The following CEMIP2 variants were observed in gnomAD, a reference collection of about 807,000 sequenced individuals.
CEMIP2 encodes the protein cell migration inducing hyaluronidase 2, also known as cell surface hyaluronidase CEMIP2.
In CEMIP2, 79 loss-of-function variants were observed where a neutral mutation model predicts 146.9. The ratio of observed to expected loss-of-function variants is 0.54; its 90% CI spans 0.45 to 0.65. The LOEUF is 0.65. Among genes scored for constraint, CEMIP2 ranks in the 30% least tolerant of loss-of-function variants. The pLI, the probability that CEMIP2 is intolerant of heterozygous loss-of-function variation, is 0.00. For missense variants in CEMIP2, 1,596 were observed against 1,696.2 expected (o/e 0.94, Z 1.04); for synonymous variants, 601 against 606.3 (o/e 0.99, Z 0.13).
intron 19 of CEMIP2, 92 bp from the exon 20 acceptor site, chr9:71,698,296 C>A (rs1372400675): frequency 3.0e-6 from 3 of 1,003,722 alleles, no homozygotes; most frequent in Non-Finnish European, 4.5e-6. Context: ...AAGGGATATT[C>A]CTCCAATTAG....
intron 20 of CEMIP2, chr9:71,697,710 T>A (rs1033428503): frequency 2.4e-5 from 8 of 336,776 alleles, no homozygotes; most frequent in African/African-American, 1.7e-4. Context: ...AGAAAAAAAA[T>A]GAGGACCAAC....
At chr9:71,758,219 T>A (rs1319098314) in intron 1 of CEMIP2, among the ~76,000 whole-genome samples, 1 of 152,218 alleles carries the variant, frequency 6.6e-6, no homozygotes, top group Non-Finnish European at 1.5e-5. Context: ...AGAGATCTGC[T>A]CGATTGTGTA....
At chr9:71,709,126 C>A (rs1468132240) in intron 17 of CEMIP2, 133 bp downstream of exon 17, 1 of 803,870 alleles carries the variant, frequency 1.2e-6, no homozygotes, top group African/African-American at 1.7e-5. Flanking sequence ...AAAGAAAGGA[C>A]AGGACAGGAC....
chr9:71,717,769 C>T (rs1247445078), intron 13 of CEMIP2, among the ~76,000 whole-genome samples, 179 bp downstream of exon 13: 1 of 152,146 alleles, frequency 6.6e-6, no homozygotes, highest in Non-Finnish European at 1.5e-5. Flanking sequence ...CAGAATGAGA[C>T]AACTTCAAAC....
chr9:71,727,392 C>T (rs988060323), intron 10 of CEMIP2, among the ~76,000 whole-genome samples: 6 of 152,320 alleles, frequency 3.9e-5, no homozygotes, highest in African/African-American at 1.2e-4. Flanking sequence ...AAACCTCATA[C>T]AGGCTCAAAA....
chr9:71,703,931 G>A (rs1273925487), intron 18 of CEMIP2, among the ~76,000 whole-genome samples: 2 of 152,088 alleles, frequency 1.3e-5, no homozygotes, highest in South Asian at 4.2e-4. Flanking sequence ...AAATAGCTTT[G>A]GTTTATCTAT....
At chr9:71,685,419 A>AG (rs1450368262) in intron 23 of CEMIP2, 26 bp from the exon 24 acceptor site, 2 of 1,473,296 alleles carry the variant, frequency 1.4e-6, no homozygotes, top group Admixed American at 2.4e-5. Context: ...AAAAAGAAAA[A>AG]GAAAAAAAAT....
intron 21 of CEMIP2, 78 bp downstream of exon 21, chr9:71,694,428 CTGT>C (rs1822332763): frequency 8.5e-7 from 1 of 1,172,372 alleles, no homozygotes; most frequent in Admixed American, 1.9e-5. Context: ...CAGCCAATTT[CTGT>C]TGTTTATAAG....
chr9:71,751,872 T>C (rs945148695), intron 1 of CEMIP2, among the ~76,000 whole-genome samples: 13 of 152,150 alleles, frequency 8.5e-5, no homozygotes, highest in Admixed American at 7.9e-4. Context: ...GTGTTATCAC[T>C]TAACGATATA....
intron 1 of CEMIP2, among the ~76,000 whole-genome samples, chr9:71,764,429 A>T (rs1449158362): frequency 6.6e-6 from 1 of 152,200 alleles, no homozygotes; most frequent in African/African-American, 2.4e-5. Flanking sequence ...AGAAAAAAAA[A>T]AAAGTGCTGA....
intron 1 of CEMIP2, among the ~76,000 whole-genome samples, chr9:71,753,829 A>T (rs1182096025): frequency 1.3e-5 from 2 of 152,212 alleles, no homozygotes; most frequent in African/African-American, 4.8e-5. Context: ...TTCGTGAAAA[A>T]ATCAACATTT....
chr9:71,746,228 C>A lies in CEMIP2; in HGVS notation c.445G>T (p.Val149Leu). The A allele has an allele frequency of 6.2e-7, 1 of 1,613,812 alleles. No homozygotes were observed. Among genetic ancestry groups the A allele is most frequent in the Non-Finnish European group, 8.5e-7 (1 of 1,179,814 alleles). Residue 149 changes from valine to leucine, a missense_variant, in exon 3 of 24, where the codon GTG becomes TTG. Transcript: ENST00000377044. The part of the protein sequence containing the change: ...DMLRLTSDAT[V>L]HSIVIQDGGL... ...CCATCCTGAATGACTATAGAATGCACGGTGGCGTCTGAGGTCAGACGGAGC... is the reference window on the plus strand; with the variant it reads ...CCATCCTGAATGACTATAGAATGCAAGGTGGCGTCTGAGGTCAGACGGAGC...
chr9:71,707,708 C>T (rs539527710), intron 17 of CEMIP2, among the ~76,000 whole-genome samples: 1 of 152,272 alleles, frequency 6.6e-6, no homozygotes, highest in Non-Finnish European at 1.5e-5. Context: ...TAGCACAGCA[C>T]GGATCCTCCC....
intron 12 of CEMIP2, among the ~76,000 whole-genome samples, chr9:71,719,969 C>T (rs572561505): frequency 7.9e-5 from 12 of 151,900 alleles, no homozygotes; most frequent in African/African-American, 2.7e-4. Flanking sequence ...CAGGCATGTA[C>T]AGGGAGAAAA....
intron 7 of CEMIP2, among the ~76,000 whole-genome samples, chr9:71,731,558 G>C (rs549309110): frequency 1.3e-5 from 2 of 151,992 alleles, no homozygotes; most frequent in African/African-American, 2.4e-5. Context: ...GCAAAACCTT[G>C]TCTCAAAAAA....
At chr9:71,701,169 G>A (rs983786242) in intron 18 of CEMIP2, among the ~76,000 whole-genome samples, 9 of 152,062 alleles carry the variant, frequency 5.9e-5, no homozygotes, top group African/African-American at 2.2e-4. Context: ...GCAGTGGCGC[G>A]ATCTCAGCTC....
intron 1 of CEMIP2, among the ~76,000 whole-genome samples, chr9:71,755,877 A>G (rs1233231589): frequency 7.0e-6 from 1 of 143,058 alleles, no homozygotes; most frequent in Non-Finnish European, 1.5e-5. Context: ...CATGAGGATC[A>G]CTTGAGCCTG....
chr9:71,697,989 C>A lies in CEMIP2; in HGVS notation c.3593G>T (p.Arg1198Leu). 1 of 1,613,226 alleles carries A rather than the reference C, an allele frequency of 6.2e-7. No individual in the cohort carries two copies. Among genetic ancestry groups the A allele is most frequent in the Non-Finnish European group, 8.5e-7 (1 of 1,179,570 alleles). The stretch of plus-strand genomic sequence containing the variant: ...CCACTTTTCATCCTTGTTTACCTGC[C>A]GAGTGCCACAGCCTTGACAGAGTCC... Reference protein sequence around the residue: ...LTGLCQGCGTRQVVFTSDPHK... With the variant: ...LTGLCQGCGTLQVVFTSDPHK... The change falls in exon 20 of 24, where the codon CGG becomes CTG. Residue 1198 changes from arginine to leucine, a missense_variant. Transcript: ENST00000377044.
chr9:71,698,472 G>A (rs1015907596), intron 19 of CEMIP2, among the ~76,000 whole-genome samples: 3 of 152,162 alleles, frequency 2.0e-5, no homozygotes, highest in African/African-American at 4.8e-5. Flanking sequence ...GAATTAGTTC[G>A]ATAGGTAATT....
Sources: gnomAD v4.1 joint callset for allele counts (sites outside exome capture counted in the v4.1 genomes callset) on GRCh38, gnomAD v4.1.1 for gene constraint, MANE v1.5 for transcripts, NCBI Gene and HGNC (gene_info 2026-07-23, HGNC 2026-07-21) for gene names.